The following ARHGEF3 variants were observed in gnomAD, a reference collection of about 807,000 sequenced individuals.
ARHGEF3 encodes the protein 59.8 kDA protein.
In ARHGEF3, 28 loss-of-function variants were observed where a neutral mutation model predicts 63.2. The ratio of observed to expected loss-of-function variants is 0.44; its 90% confidence interval spans 0.33 to 0.61. The LOEUF (loss-of-function observed/expected upper bound fraction) is 0.61. Ranked by LOEUF, ARHGEF3 falls within the 20% of genes least tolerant of loss-of-function variation. ARHGEF3 has a pLI of 0.03. For missense variants in ARHGEF3, 533 were observed against 659.3 expected, an observed-to-expected ratio of 0.81 and a Z score of 2.10; for synonymous variants, 266 against 254.2, an observed-to-expected ratio of 1.05 and a Z score of -0.44.
At chr3:56,808,077 T>C (rs2037928786) in intron 4 of ARHGEF3, among the ~76,000 whole-genome samples, 1 of 150,194 alleles carries the variant, frequency 6.7e-6, no homozygotes, top group Non-Finnish European at 1.5e-5. Context: ...TGAGCCGAGA[T>C]CGTGCCACTG....
At chr3:57,062,589 A>G (rs1008478457) in intron 1 of ARHGEF3, among the ~76,000 whole-genome samples, 1 of 152,204 alleles carries the variant, frequency 6.6e-6, no homozygotes, top group African/African-American at 2.4e-5. Context: ...ACTGAACAAA[A>G]CAAGGTTAAA....
intron 1 of ARHGEF3, chr3:56,775,213 G>A: frequency 1.4e-6 from 2 of 1,440,036 alleles, no homozygotes; most frequent in Middle Eastern, 3.7e-4. Context: ...GGATATTTCT[G>A]CATCCCCGTT....
At chr3:56,967,924 TATATA>T (rs1283262659) in intron 2 of ARHGEF3, among the ~76,000 whole-genome samples, 1 of 71,364 alleles carries the variant, frequency 1.4e-5, no homozygotes, top group African/African-American at 5.6e-5. Flanking sequence ...TAATATATTA[TATATA>T]ATATAAAATA....
chr3:56,780,285 C>G (rs1484936786), intron 1 of ARHGEF3, among the ~76,000 whole-genome samples: 1 of 152,202 alleles, frequency 6.6e-6, no homozygotes, highest in Non-Finnish European at 1.5e-5. Context: ...CCATCTTTGC[C>G]TCTAAGAACA....
chr3:57,008,896 AT>A (rs999748941), intron 2 of ARHGEF3, among the ~76,000 whole-genome samples: 94 of 152,304 alleles, frequency 6.2e-4, no homozygotes, highest in Admixed American at 1.7e-3. Context: ...ATTTAAAAGA[AT>A]TTTTTTCAAT....
chr3:56,992,735 A>C (rs1233324896), intron 2 of ARHGEF3, among the ~76,000 whole-genome samples: 1 of 152,222 alleles, frequency 6.6e-6, no homozygotes, highest in Non-Finnish European at 1.5e-5. Context: ...ACCCCAGCGC[A>C]GTCTGTGGCT....
chr3:56,759,482 C>T (rs954773539), intron 2 of ARHGEF3, among the ~76,000 whole-genome samples: 6 of 151,912 alleles, frequency 3.9e-5, no homozygotes, highest in Non-Finnish European at 8.8e-5. Context: ...AATGTTTTCT[C>T]TTTCTACTTG....
chr3:56,823,053 G>C (rs1196076149), intron 4 of ARHGEF3, among the ~76,000 whole-genome samples: 1 of 151,894 alleles, frequency 6.6e-6, no homozygotes, highest in Non-Finnish European at 1.5e-5. Flanking sequence ...TTCTTCTTTG[G>C]AACACTACCA....
At chr3:56,735,712 A>G (rs1056574410) in intron 8 of ARHGEF3, among the ~76,000 whole-genome samples, 1 of 152,184 alleles carries the variant, frequency 6.6e-6, no homozygotes, top group African/African-American at 2.4e-5. Context: ...CAAGAAACAG[A>G]ATGCAGCTTT....
Position 56,917,509 on chromosome 3 carries a change from C to T in ARHGEF3, c.130-35155G>A, listed in dbSNP as rs150332146. 5.3e-4 allele frequency among the ~76,000 whole-genome samples: 81 copies of T among 152,172 alleles called. No homozygotes were observed. The East Asian group carries it at 0.011, about 21-fold the overall frequency. ...CAGGTTCATTTGAACAACAAGCTTC[C>T]GGTCTAACAGAAGGAGATTAAATCC... On this transcript the variant is annotated intron_variant, in intron 3 of 12. Coordinates refer to the ARHGEF3 transcript ENST00000338458.
chr3:57,029,168 C>T (rs550667994), intron 2 of ARHGEF3, among the ~76,000 whole-genome samples: 3 of 152,310 alleles, frequency 2.0e-5, no homozygotes, highest in Admixed American at 6.5e-5. Context: ...TGGTGGCTCA[C>T]GCCTGCAATC....
intron 3 of ARHGEF3, among the ~76,000 whole-genome samples, chr3:56,906,154 C>T (rs1479044039): frequency 2.0e-5 from 3 of 150,962 alleles, no homozygotes; most frequent in East Asian, 2.0e-4. Context: ...TGAGCAACCG[C>T]GCCCAGTCCA....
intron 7 of ARHGEF3, 83 bp downstream of exon 7, chr3:56,745,122 T>A (rs1200891763): frequency 7.3e-6 from 11 of 1,504,528 alleles, no homozygotes; most frequent in African/African-American, 1.4e-5. Flanking sequence ...ACCCAGGGAC[T>A]CTTCCATTCA....
intron 1 of ARHGEF3, among the ~76,000 whole-genome samples, chr3:57,056,273 G>A (rs1241633939): frequency 4.0e-5 from 6 of 151,408 alleles, no homozygotes; most frequent in African/African-American, 1.5e-4. Context: ...TGTAATTCCA[G>A]CTACTCGGGA....
At chr3:56,762,495 C>T (rs552750581) in intron 2 of ARHGEF3, among the ~76,000 whole-genome samples, 19 of 151,814 alleles carry the variant, frequency 1.3e-4, no homozygotes, top group South Asian at 1.2e-3. Context: ...GGTTGGGGGA[C>T]GGGGGTGGCA....
At chr3:56,913,677 A>G (rs962255879) in intron 3 of ARHGEF3, among the ~76,000 whole-genome samples, 5 of 152,160 alleles carry the variant, frequency 3.3e-5, no homozygotes, top group African/African-American at 1.2e-4. Flanking sequence ...AAAAAACTGA[A>G]AGCAGGTGGC....
chr3:56,966,116 G>A (rs1357036467), intron 2 of ARHGEF3, among the ~76,000 whole-genome samples: 2 of 152,188 alleles, frequency 1.3e-5, no homozygotes, highest in African/African-American at 2.4e-5. Context: ...TCATATATAT[G>A]TAATAAAAAT....
chr3:57,003,957 G>A (rs1038426589), intron 2 of ARHGEF3, among the ~76,000 whole-genome samples: 1 of 152,234 alleles, frequency 6.6e-6, no homozygotes, highest in African/African-American at 2.4e-5. Flanking sequence ...TGATCAATGT[G>A]TGTTGTTTGA....
intron 1 of ARHGEF3, among the ~76,000 whole-genome samples, chr3:57,059,560 T>A (rs1705110089): frequency 6.6e-6 from 1 of 152,000 alleles, no homozygotes; most frequent in African/African-American, 2.4e-5. Flanking sequence ...CCAGGCTCCT[T>A]AATCAGTGAT....
Sources: gnomAD v4.1 joint callset for allele counts (sites outside exome capture counted in the v4.1 genomes callset) on GRCh38, gnomAD v4.1.1 for gene constraint, MANE v1.5 for transcripts, NCBI Gene and HGNC (gene_info 2026-07-23, HGNC 2026-07-21) for gene names.